NBAS: variants seen among roughly 807,000 people sequenced by gnomAD.
NBAS encodes the protein NAG/BC035112 fusion.
A neutral mutation model predicts 302.5 loss-of-function variants in NBAS; 219 were observed. The observed-to-expected ratio is 0.72, with a 90% CI of 0.65 to 0.81. NBAS has a LOEUF of 0.81. Among genes scored for constraint, NBAS ranks in the 30% least tolerant of loss-of-function variants. The pLI is 0.00. For synonymous variants in NBAS, 1,118 were observed against 1,021.6 expected (o/e 1.09, Z -1.80); for missense variants, 2,932 against 2,841.6 (o/e 1.03, Z -0.72).
At chr2:15,406,237 T>C (rs7568874) in intron 25 of NBAS, among the ~76,000 whole-genome samples, 90,243 of 151,764 alleles carry the variant, frequency 0.59, 27,954 homozygotes, top group Non-Finnish European at 0.68. Context: ...GACAGACCAG[T>C]AGAATATAGA....
the NBAS span, among the ~76,000 whole-genome samples, chr2:14,865,801 C>T: frequency 6.6e-6 from 1 of 151,474 alleles, no homozygotes; most frequent in South Asian, 2.1e-4. Context: ...TCCTATGAAT[C>T]TGTTATTGTT....
At chr2:15,444,847 T>C (rs969373830) in intron 21 of NBAS, among the ~76,000 whole-genome samples, 11 of 152,200 alleles carry the variant, frequency 7.2e-5, no homozygotes, top group Non-Finnish European at 1.3e-4. Flanking sequence ...GGGCAAAGGA[T>C]ATGAACAGAC....
the NBAS span, among the ~76,000 whole-genome samples, chr2:14,899,645 C>T: frequency 1.3e-5 from 2 of 152,144 alleles, no homozygotes; most frequent in African/African-American, 4.8e-5. Flanking sequence ...TTGATGTGAT[C>T]ATAACCAATT....
intron 21 of NBAS, among the ~76,000 whole-genome samples, chr2:15,460,242 A>T (rs1006144416): frequency 1.3e-5 from 2 of 152,244 alleles, no homozygotes; most frequent in African/African-American, 4.8e-5. Flanking sequence ...AGTATACTAT[A>T]GTTAACAAGC....
the NBAS span, among the ~76,000 whole-genome samples, chr2:14,892,234 A>G: frequency 1.3e-5 from 2 of 152,190 alleles, no homozygotes; most frequent in East Asian, 1.9e-4. Context: ...AGCAAACACA[A>G]TGGCCACAGA....
the NBAS span, among the ~76,000 whole-genome samples, chr2:15,115,305 G>A: frequency 1.3e-5 from 2 of 152,120 alleles, no homozygotes; most frequent in Non-Finnish European, 2.9e-5. Flanking sequence ...CTATAACATG[G>A]CAACATGTAA....
intron 21 of NBAS, among the ~76,000 whole-genome samples, chr2:15,455,958 A>G (rs1454824165): frequency 6.6e-6 from 1 of 152,186 alleles, no homozygotes; most frequent in Non-Finnish European, 1.5e-5. Flanking sequence ...TGCTTCTTCT[A>G]ACAGAAAATC....
At chr2:15,080,670 C>T in the NBAS span, among the ~76,000 whole-genome samples, 1 of 152,154 alleles carries the variant, frequency 6.6e-6, no homozygotes, top group Non-Finnish European at 1.5e-5. Context: ...TGGGTTAGTT[C>T]AGAAGACCCG....
At chr2:14,785,319 C>G in the NBAS span, among the ~76,000 whole-genome samples, 1 of 152,266 alleles carries the variant, frequency 6.6e-6, no homozygotes, top group East Asian at 1.9e-4. Context: ...ATTTCCTTCT[C>G]CTGCCTAATT....
the NBAS span, among the ~76,000 whole-genome samples, chr2:14,962,945 A>G: frequency 6.6e-6 from 1 of 150,854 alleles, no homozygotes; most frequent in Admixed American, 6.6e-5. Context: ...ACAAAGGAGA[A>G]AAAAAAAAAC....
the NBAS span, among the ~76,000 whole-genome samples, chr2:15,030,627 A>G: frequency 6.6e-6 from 1 of 152,150 alleles, no homozygotes; most frequent in Non-Finnish European, 1.5e-5. Flanking sequence ...AGGTTTGCAG[A>G]TCTTGCTCTG....
chr2:14,815,215 G>C, the NBAS span, among the ~76,000 whole-genome samples: 5 of 152,162 alleles, frequency 3.3e-5, no homozygotes, highest in African/African-American at 1.2e-4. Context: ...GATCAAAACA[G>C]GTTAACTAGC....
At chr2:15,193,009 AG>A (rs962920406) in intron 48 of NBAS, among the ~76,000 whole-genome samples, 14 of 152,218 alleles carry the variant, frequency 9.2e-5, no homozygotes, top group African/African-American at 3.4e-4. Context: ...CTATATCATA[AG>A]GGAAGAAAAG....
chr2:14,969,457 A>G, the NBAS span, among the ~76,000 whole-genome samples: 1 of 151,988 alleles, frequency 6.6e-6, no homozygotes, highest in Non-Finnish European at 1.5e-5. Context: ...GCTCACTTCA[A>G]CGTCTGCCTC....
chr2:14,818,777 T>C, the NBAS span, among the ~76,000 whole-genome samples: 1 of 152,202 alleles, frequency 6.6e-6, no homozygotes, highest in African/African-American at 2.4e-5. Context: ...CTACTGAGGA[T>C]ACTTGGAGAT....
chr2:15,141,716 G>A, the NBAS span, among the ~76,000 whole-genome samples: 3 of 151,974 alleles, frequency 2.0e-5, no homozygotes, highest in Non-Finnish European at 4.4e-5. Context: ...TGTTTTTACC[G>A]TAGGGGCCAC....
chr2:15,518,027 T>C (rs988065047), intron 9 of NBAS, among the ~76,000 whole-genome samples: 4 of 152,080 alleles, frequency 2.6e-5, no homozygotes, highest in African/African-American at 9.7e-5. Context: ...TTCTCTGTAC[T>C]TCTCCTTCTC....
chr2:15,183,824 C>T (rs1441005405), intron 50 of NBAS, among the ~76,000 whole-genome samples: 1 of 152,164 alleles, frequency 6.6e-6, no homozygotes, highest in Non-Finnish European at 1.5e-5. Flanking sequence ...AGTGCTCTAA[C>T]CGATGTGTGC....
intron 45 of NBAS, among the ~76,000 whole-genome samples, chr2:15,238,161 T>TC (rs986372852): frequency 1.8e-4 from 28 of 152,184 alleles, no homozygotes; most frequent in African/African-American, 6.3e-4. Flanking sequence ...TAGAGACCTC[T>TC]CCCCTCACCC....
Sources: allele counts gnomAD v4.1 joint callset (sites outside exome capture counted in the v4.1 genomes callset), GRCh38; gene constraint gnomAD v4.1.1; transcripts MANE v1.5; gene names NCBI Gene and HGNC (gene_info 2026-07-23, HGNC 2026-07-21).